The following AIG1 variants were observed in gnomAD, a reference collection of about 807,000 sequenced individuals.
The protein encoded by AIG1 is androgen induced 1.
Under a neutral mutation model 31.4 loss-of-function variants are expected in AIG1, and 23 were observed. The ratio of observed to expected loss-of-function variants is 0.73; its 90% CI spans 0.53 to 1.04. The LOEUF is 1.04. Ranked by LOEUF, AIG1 falls within the 50% of genes least tolerant of loss-of-function variation. The pLI is 0.00. For synonymous variants in AIG1, 100 were observed against 110.5 expected, an observed-to-expected ratio of 0.90 and a Z score of 0.60; for missense variants, 274 against 295.0, an observed-to-expected ratio of 0.93 and a Z score of 0.52.
chr6:143,230,853 T>G (rs1384667414), intron 3 of AIG1, among the ~76,000 whole-genome samples: 1 of 152,224 alleles, frequency 6.6e-6, no homozygotes, highest in Non-Finnish European at 1.5e-5. Context: ...CTCCTCAACT[T>G]GTCTCCAGTT....
intron 4 of AIG1, among the ~76,000 whole-genome samples, chr6:143,306,864 A>T (rs1799351633): frequency 6.6e-6 from 1 of 152,206 alleles, no homozygotes; most frequent in African/African-American, 2.4e-5. Flanking sequence ...TGGTCTTTTC[A>T]CATAGTCCCA....
chr6:143,096,999 A>G (rs1779855238), intron 1 of AIG1, among the ~76,000 whole-genome samples: 1 of 152,220 alleles, frequency 6.6e-6, no homozygotes, highest in Non-Finnish European at 1.5e-5. Flanking sequence ...GCTTGACTGT[A>G]ATCAACATAT....
chr6:143,241,490 G>A (rs563638882), intron 3 of AIG1, among the ~76,000 whole-genome samples: 1 of 152,332 alleles, frequency 6.6e-6, no homozygotes, highest in South Asian at 2.1e-4. Flanking sequence ...GCTAGGGAAA[G>A]AGTTCATTTC....
chr6:143,253,432 GA>G (rs1795154082), intron 3 of AIG1, among the ~76,000 whole-genome samples: 1 of 152,132 alleles, frequency 6.6e-6, no homozygotes, highest in African/African-American at 2.4e-5. Flanking sequence ...GTTATTCTGT[GA>G]AAAATGGTTT....
intron 2 of AIG1, 22 bp from the exon 3 acceptor site, chr6:143,165,060 A>C: frequency 1.3e-6 from 2 of 1,547,096 alleles, no homozygotes; most frequent in East Asian, 4.5e-5. Flanking sequence ...ACTTGAAATA[A>C]AAGATTTCTT....
At chr6:143,059,539 C>A (rs1486406930), upstream of AIG1, among the ~76,000 whole-genome samples, 1 of 152,024 alleles carries the variant, frequency 6.6e-6, no homozygotes, top group East Asian at 1.9e-4. Context: ...CAAAAATCAT[C>A]AATAATACAT....
At chr6:143,209,064 C>T (rs1791376484) in intron 3 of AIG1, among the ~76,000 whole-genome samples, 1 of 152,162 alleles carries the variant, frequency 6.6e-6, no homozygotes, top group South Asian at 2.1e-4. Context: ...GAGTGTCTCT[C>T]TGCACTGGGA....
At chr6:143,081,388 CT>C (rs1301428390) in intron 1 of AIG1, among the ~76,000 whole-genome samples, 1 of 151,992 alleles carries the variant, frequency 6.6e-6, no homozygotes, top group African/African-American at 2.4e-5. Flanking sequence ...TGAATTAGTA[CT>C]TTTATTACCT....
At chr6:143,126,917 T>G (rs1212865505) in intron 1 of AIG1, among the ~76,000 whole-genome samples, 1 of 152,130 alleles carries the variant, frequency 6.6e-6, no homozygotes, top group Non-Finnish European at 1.5e-5. Flanking sequence ...GCTCCCCTAC[T>G]CGGGACTATA....
In AIG1 at chr6:143,329,841, C is replaced by T. The variant is rs1424729406; in HGVS notation, c.516-3441C>T. Reference sequence around the variant, plus strand: ...AGTTTTATTGGAACACATCCACACTCGTTTACATATTGTCTATGGCTGCTT... The same window carrying T: ...AGTTTTATTGGAACACATCCACACTTGTTTACATATTGTCTATGGCTGCTT... On this transcript the variant is annotated intron_variant, in intron 4 of 5. Coordinates refer to ENST00000357847, the MANE Select transcript of AIG1 (RefSeq NM_016108.4). This position sits in a 1 kb window ranked among gnomAD's most constrained non-coding sequence, Gnocchi z 4.9. Among the ~76,000 whole-genome samples the T allele has an allele frequency of 1.3e-5, 2 of 152,174 alleles. No individual in the cohort carries two copies. The highest frequency in any genetic ancestry group is 3.8e-4 in the East Asian group (2 of 5,202).
intron 4 of AIG1, among the ~76,000 whole-genome samples, chr6:143,323,104 T>C (rs902051345): frequency 3.3e-5 from 5 of 152,200 alleles, no homozygotes; most frequent in African/African-American, 4.8e-5. Context: ...AACTAACAAA[T>C]TTGTGGATGA....
At chr6:143,196,377 A>G (rs759397566) in intron 3 of AIG1, among the ~76,000 whole-genome samples, 30 of 150,146 alleles carry the variant, frequency 2.0e-4, no homozygotes, top group Middle Eastern at 7.0e-3. Flanking sequence ...ACACACACAC[A>G]CACACACACA....
intron 4 of AIG1, among the ~76,000 whole-genome samples, chr6:143,316,750 A>G (rs1422661761): frequency 6.6e-6 from 1 of 152,140 alleles, no homozygotes; most frequent in Non-Finnish European, 1.5e-5. Flanking sequence ...TAAAATTGAT[A>G]TACCATTAGC....
At chr6:143,187,851 T>G in intron 3 of AIG1, 1 of 1,447,098 alleles carries the variant, frequency 6.9e-7, no homozygotes. Flanking sequence ...TCTCAAGCGA[T>G]GTACAGAAGG....
At chr6:143,121,512 C>G in intron 1 of AIG1, among the ~76,000 whole-genome samples, 1 of 152,214 alleles carries the variant, frequency 6.6e-6, no homozygotes, top group East Asian at 1.9e-4. Flanking sequence ...TTCCATCTAT[C>G]CTTTCTTGTT....
Position 143,060,988 on chromosome 6 carries a change from G to A in AIG1, c.63G>A (p.Leu21=), listed in dbSNP as rs1252656130. ...TCCTGCTGTCTTACTGCTCTATCCTGTGTAACTACAAGGCCATCGAAATGC... is the reference window on the plus strand; with the variant it reads ...TCCTGCTGTCTTACTGCTCTATCCTATGTAACTACAAGGCCATCGAAATGC... ...MAILLSYCSI[L]CNYKAIEMPS... The change falls in exon 1 of 6, where the codon CTG becomes CTA. Residue 21 remains leucine (L), a synonymous_variant. Coordinates refer to ENST00000357847, the MANE Select transcript of AIG1 (RefSeq NM_016108.4). 2.5e-6 allele frequency: 4 copies of A among 1,613,270 alleles called. No homozygotes were observed. The East Asian group carries it at 6.7e-5, about 27-fold the overall frequency.
At chr6:143,131,612 C>T (rs1032721502) in intron 1 of AIG1, among the ~76,000 whole-genome samples, 1 of 152,210 alleles carries the variant, frequency 6.6e-6, no homozygotes, top group Non-Finnish European at 1.5e-5. Flanking sequence ...GGAGAACAGA[C>T]ACAAGGAGCC....
rs1032703854 is a variant in AIG1 at position 143,325,120 on chromosome 6, A to G, written c.516-8162A>G. ...CAAACCAGTTTTCTAATAATTCTCT[A>G]TGAAGACCCTGTGCTAATAGATGCT... is the stretch of plus-strand genomic sequence containing the variant. On this transcript the variant is annotated intron_variant, in intron 4 of 5. Transcript: ENST00000357847. The surrounding 1 kb of genome is among the most constrained non-coding windows in gnomAD (Gnocchi z 4.3). Among the ~76,000 whole-genome samples, 1 of 152,186 alleles carries G rather than the reference A, an allele frequency of 6.6e-6. No homozygotes were observed. The highest frequency in any genetic ancestry group is 2.4e-5 in the African/African-American group (1 of 41,452).
intron 3 of AIG1, among the ~76,000 whole-genome samples, chr6:143,213,508 CTTTTTT>C (rs746350692): frequency 4.4e-4 from 27 of 61,194 alleles, no homozygotes; most frequent in African/African-American, 1.5e-3. Flanking sequence ...TTTCTTTCTT[CTTTTTT>C]TTTTTTTTTT....
Sources: allele counts gnomAD v4.1 joint callset (sites outside exome capture counted in the v4.1 genomes callset), GRCh38; gene constraint gnomAD v4.1.1; non-coding constraint Gnocchi (gnomAD v3.1); transcripts MANE v1.5; gene names NCBI Gene and HGNC (gene_info 2026-07-23, HGNC 2026-07-21).